Variants in ANK3 observed in about 807,000 individuals in gnomAD.
ANK3 encodes ankyrin 3.
Under a neutral mutation model 370.9 loss-of-function variants are expected in ANK3, and 57 were observed. That is an observed-to-expected ratio of 0.15 (90% CI 0.12 to 0.19). The LOEUF (loss-of-function observed/expected upper bound fraction) is 0.19. ANK3 is among the 10% of genes least tolerant of loss of function. The pLI, the probability that ANK3 is intolerant of heterozygous loss-of-function variation, is 1.00. For synonymous variants in ANK3, 1,929 were observed against 1,946.3 expected, an observed-to-expected ratio of 0.99 and a Z score of 0.23; for missense variants, 4,439 against 5,302.1, an observed-to-expected ratio of 0.84 and a Z score of 5.06.
intron 1 of ANK3, among the ~76,000 whole-genome samples, chr10:60,362,534 G>A (rs955478388): frequency 1.3e-5 from 2 of 152,158 alleles, no homozygotes; most frequent in African/African-American, 4.8e-5. Context: ...TCTATCGCAC[G>A]TGAGCCTGCA....
chr10:60,239,765 G>T (rs1437927806), intron 7 of ANK3, among the ~76,000 whole-genome samples: 1 of 151,884 alleles, frequency 6.6e-6, no homozygotes, highest in African/African-American at 2.4e-5. Context: ...AAATTGTGGG[G>T]TTTATAATAT....
In ANK3 at chr10:60,109,155, A is replaced by G. The variant is rs562677630; in HGVS notation, c.2949-101T>C. On this transcript the variant is annotated intron_variant, in intron 26 of 43. Transcript: ENST00000280772. ...TTAAGTTTATTTAAAGCGACAGACA[A>G]TGTAGCTATCATTTCCTCTAAAGAT... 22 of 853,184 alleles carry G rather than the reference A, an allele frequency of 2.6e-5. No individual in the cohort carries two copies. In the South Asian group the frequency reaches 3.0e-4, roughly 12 times the overall value. The allele number at this position is 853,184 out of a possible 1,614,324, so 52.9% of individuals were successfully genotyped here.
Position 60,072,407 on chromosome 10 carries a change from A to G in ANK3, c.8474T>C (p.Phe2825Ser). ...CAAGTCTTTAGCCTGCTGCTCAGAA[A>G]AAGAGTCAGGCATTGCTTTACTTGA... is the stretch of plus-strand genomic sequence containing the variant. ...EMSSKAMPDS[F>S]SEQQAKDLAC... Residue 2825 changes from phenylalanine (F) to serine (S), a missense_variant, in exon 37 of 44, where the codon TTT (phenylalanine) becomes TCT (serine). Transcript: ENST00000280772. 1 of 1,614,104 alleles carries G rather than the reference A, an allele frequency of 6.2e-7. No homozygotes were observed. Among genetic ancestry groups the G allele is most frequent in the South Asian group, 1.1e-5 (1 of 91,052 alleles).
At chr10:60,191,521 C>T (rs1446735636) in intron 16 of ANK3, among the ~76,000 whole-genome samples, 1 of 152,142 alleles carries the variant, frequency 6.6e-6, no homozygotes, top group Non-Finnish European at 1.5e-5. Context: ...ATCAAAACCA[C>T]AATTAGATAC....
chr10:60,084,417 AAT>A, intron 32 of ANK3, 183 bp downstream of exon 32: 1 of 310,818 alleles, frequency 3.2e-6, no homozygotes, highest in East Asian at 5.7e-5. Context: ...AAAAAAAAAA[AAT>A]TAAATTAAAT....
rs772233864 is a variant in ANK3 at position 60,073,341 on chromosome 10, T to G, written c.7540A>C (p.Ile2514Leu). The change falls in exon 37 of 44, where the codon ATT (isoleucine) becomes CTT (leucine). Residue 2514 changes from isoleucine to leucine, a missense_variant. Physicochemically the swap from Ile to Leu is conservative, Grantham distance 5. Around this residue, in one of 13 missense-constraint regions of ANK3, gnomAD observed 1,601 missense variants for 1,731.7 expected, o/e 0.92. Coordinates refer to ENST00000280772, the MANE Select transcript of ANK3 (RefSeq NM_020987.5). ...EKIATAPKKE[I>L]LSKIYKDVSE... Reference sequence around the variant, plus strand: ...ACATCTTTATAGATTTTGGAGAGAATTTCTTTTTTGGGGGCAGTGGCTATT... The same window carrying G: ...ACATCTTTATAGATTTTGGAGAGAAGTTCTTTTTTGGGGGCAGTGGCTATT... 3 of 1,613,988 alleles carry G rather than the reference T, an allele frequency of 1.9e-6. No individual in the cohort carries two copies. The South Asian group carries it at 3.3e-5, about 18-fold the overall frequency.
chr10:60,645,945 G>A (rs1438281425), intron 1 of ANK3, among the ~76,000 whole-genome samples: 4 of 152,156 alleles, frequency 2.6e-5, no homozygotes, highest in African/African-American at 4.8e-5. Context: ...TATTTAATTA[G>A]AGTTGTGATA....
At chr10:60,377,225 A>C (rs909607256) in intron 1 of ANK3, among the ~76,000 whole-genome samples, 2 of 152,214 alleles carry the variant, frequency 1.3e-5, no homozygotes, top group Non-Finnish European at 2.9e-5. Context: ...TGACCTCTGA[A>C]GCTGTGTTCC....
At chr10:60,561,672 A>T (rs1197601083) in intron 2 of ANK3, among the ~76,000 whole-genome samples, 6 of 152,232 alleles carry the variant, frequency 3.9e-5, no homozygotes. Context: ...TTTAAAGTTC[A>T]TGCCAACTGG....
intron 2 of ANK3, among the ~76,000 whole-genome samples, chr10:60,433,866 A>C (rs2064093279): frequency 6.6e-6 from 1 of 152,230 alleles, no homozygotes; most frequent in Non-Finnish European, 1.5e-5. Context: ...CTTTCCTTGG[A>C]GGATCCTGCC....
chr10:60,185,296 T>C (rs1411566153), intron 17 of ANK3, among the ~76,000 whole-genome samples: 1 of 152,220 alleles, frequency 6.6e-6, no homozygotes, highest in Non-Finnish European at 1.5e-5. Context: ...CAGATTGTTA[T>C]GGAGTAACCT....
At chr10:60,695,307 C>G (rs1404469715) in intron 1 of ANK3, among the ~76,000 whole-genome samples, 1 of 151,914 alleles carries the variant, frequency 6.6e-6, no homozygotes, top group African/African-American at 2.4e-5. Flanking sequence ...TAATGGGAGA[C>G]TTTAACACCC....
chr10:60,176,184 A>C (rs1166254045), intron 18 of ANK3, among the ~76,000 whole-genome samples: 47 of 134,448 alleles, frequency 3.5e-4, no homozygotes, highest in African/African-American at 7.9e-4. Context: ...AAATACAAAA[A>C]AAAAAAAAAA....
chr10:60,437,076 G>C (rs1014343312), intron 2 of ANK3, among the ~76,000 whole-genome samples: 2 of 152,152 alleles, frequency 1.3e-5, no homozygotes, highest in African/African-American at 4.8e-5. Flanking sequence ...CCAAGCCTCT[G>C]GTTGAACTAC....
chr10:60,676,781 T>C (rs1485355740), intron 1 of ANK3, among the ~76,000 whole-genome samples: 2 of 152,224 alleles, frequency 1.3e-5, no homozygotes, highest in African/African-American at 2.4e-5. Context: ...GGTTGGTTAA[T>C]AGTTTCAAAT....
chr10:60,497,653 G>A (rs961866702), intron 2 of ANK3, among the ~76,000 whole-genome samples: 2 of 152,084 alleles, frequency 1.3e-5, no homozygotes, highest in Non-Finnish European at 2.9e-5. Context: ...TTCTTTGCTT[G>A]GTATTCTTTA....
chr10:60,111,221 A>T (rs1004631143), intron 26 of ANK3, among the ~76,000 whole-genome samples: 5 of 152,206 alleles, frequency 3.3e-5, no homozygotes, highest in Admixed American at 3.3e-4. Flanking sequence ...AGAATATCAG[A>T]ACCAATGGAA....
At chr10:60,366,822 T>C (rs1361269056) in intron 1 of ANK3, among the ~76,000 whole-genome samples, 1 of 152,132 alleles carries the variant, frequency 6.6e-6, no homozygotes, top group African/African-American at 2.4e-5. Flanking sequence ...AATAAATCAA[T>C]ATGTACCGCT....
At chr10:60,647,636 T>C (rs1000230984) in intron 1 of ANK3, among the ~76,000 whole-genome samples, 2 of 150,360 alleles carry the variant, frequency 1.3e-5, no homozygotes, top group African/African-American at 4.9e-5. Context: ...TGTGAAAAAG[T>C]TTTATAATAT....
Sources: allele counts gnomAD v4.1 joint callset (sites outside exome capture counted in the v4.1 genomes callset), GRCh38; gene constraint gnomAD v4.1.1; regional missense constraint gnomAD v4.1.1; transcripts MANE v1.5; gene names NCBI Gene and HGNC (gene_info 2026-07-23, HGNC 2026-07-21).